Variants in PARD3B observed in about 807,000 individuals in gnomAD.
PARD3B encodes the protein par-3 family cell polarity regulator beta.
Under a neutral mutation model 130.2 loss-of-function variants are expected in PARD3B, and 103 were observed. That is an observed-to-expected ratio of 0.79 (90% CI 0.67 to 0.93). The LOEUF (loss-of-function observed/expected upper bound fraction) is 0.93. Among genes scored for constraint, PARD3B ranks in the 40% least tolerant of loss-of-function variants. PARD3B has a pLI of 0.00. For missense variants in PARD3B, 1,609 were observed against 1,499.2 expected (o/e 1.07, Z -1.21); for synonymous variants, 583 against 553.2 (o/e 1.05, Z -0.76).
chr2:205,380,195 T>G (rs1166915753), intron 18 of PARD3B, among the ~76,000 whole-genome samples: 1 of 90,278 alleles, frequency 1.1e-5, no homozygotes, highest in African/African-American at 5.8e-5. Flanking sequence ...GAATATATAT[T>G]ATATAATATG....
chr2:204,693,761 A>C (rs561375311), intron 2 of PARD3B, among the ~76,000 whole-genome samples: 1 of 152,048 alleles, frequency 6.6e-6, no homozygotes, highest in African/African-American at 2.4e-5. Context: ...ATTATGTATC[A>C]TGGACTTTCT....
At chr2:205,404,153 T>G (rs1027873526) in intron 19 of PARD3B, among the ~76,000 whole-genome samples, 1 of 152,224 alleles carries the variant, frequency 6.6e-6, no homozygotes, top group East Asian at 1.9e-4. Context: ...TGGCTCCATA[T>G]CCACGTCTTC....
chr2:204,600,345 T>G (rs2033458730), intron 1 of PARD3B, among the ~76,000 whole-genome samples: 1 of 151,896 alleles, frequency 6.6e-6, no homozygotes, highest in Non-Finnish European at 1.5e-5. Flanking sequence ...TGAGTTGATT[T>G]TTGTATAGAG....
intron 3 of PARD3B, among the ~76,000 whole-genome samples, chr2:205,037,604 T>A (rs558334877): frequency 4.7e-5 from 7 of 148,304 alleles, no homozygotes; most frequent in African/African-American, 2.4e-5. Context: ...TATATATATT[T>A]TATATATATT....
rs376368532 is a variant in PARD3B at position 204,860,035 on chromosome 2, A to G, written c.223-105117A>G. Among the ~76,000 whole-genome samples, 34 of 152,316 alleles carry G rather than the reference A, an allele frequency of 2.2e-4. No homozygotes were observed. In the South Asian group the frequency reaches 6.8e-3, roughly 31 times the overall value. On this transcript the variant is annotated intron_variant, in intron 2 of 22. Coordinates refer to ENST00000406610, the MANE Select transcript of PARD3B (RefSeq NM_001302769.2). ...TAATTTCTGCCAGCAGTTGCTTTTA[A>G]TATAATCAGGATTAACTGTAGAAAT... is the stretch of plus-strand genomic sequence containing the variant.
At chr2:204,547,066 C>T (rs921457092) in intron 1 of PARD3B, among the ~76,000 whole-genome samples, 1 of 152,096 alleles carries the variant, frequency 6.6e-6, no homozygotes, top group Non-Finnish European at 1.5e-5. Context: ...GTTTTAGCGG[C>T]CAATGGTTCT....
In PARD3B at chr2:205,397,229, T is replaced by C. The variant is rs2046064689; in HGVS notation, c.2631-3784T>C. On this transcript the variant is annotated intron_variant, in intron 18 of 22. Coordinates refer to ENST00000406610, the MANE Select transcript of PARD3B (RefSeq NM_001302769.2). The surrounding 1 kb of genome is among the most constrained non-coding windows in gnomAD (Gnocchi z 4.8). The stretch of plus-strand genomic sequence containing the variant: ...CCTACCCAAACTTTACAAAATAAGG[T>C]AATTTGTAATCATTTTCTCTGGCTA... 6.6e-6 allele frequency among the ~76,000 whole-genome samples: 1 copy of C among 152,240 alleles called. No homozygotes were observed. The highest frequency in any genetic ancestry group is 1.5e-5 in the Non-Finnish European group (1 of 68,034).
rs1172460944 is a variant in PARD3B, at chr2:205,366,665, A to C, written c.2631-34348A>C. On this transcript the variant is annotated intron_variant, in intron 18 of 22. Coordinates refer to ENST00000406610, the MANE Select transcript of PARD3B (RefSeq NM_001302769.2). The surrounding 1 kb of genome is among the most constrained non-coding windows in gnomAD (Gnocchi z 5.0). ...TCTGTCTCCTCTCAAGCCTAAATTC[A>C]CACTTTTTTTTTTCTTTAACTGTGA... Among the ~76,000 whole-genome samples, 1 of 151,450 alleles carries C rather than the reference A, an allele frequency of 6.6e-6. No individual in the cohort carries two copies. Among genetic ancestry groups the C allele is most frequent in the African/African-American group, 2.4e-5 (1 of 40,904 alleles).
intron 16 of PARD3B, among the ~76,000 whole-genome samples, chr2:205,286,659 A>G (rs112822178): frequency 0.017 from 2,536 of 152,322 alleles, 37 homozygotes; most frequent in South Asian, 0.034. Flanking sequence ...CTCCAGAAAT[A>G]GATACCCTCT....
At chr2:205,565,323 A>G (rs192544463) in intron 22 of PARD3B, among the ~76,000 whole-genome samples, 14 of 152,334 alleles carry the variant, frequency 9.2e-5, no homozygotes, top group Admixed American at 7.2e-4. Context: ...GTCATATAAA[A>G]TCAGGATGGA....
intron 2 of PARD3B, among the ~76,000 whole-genome samples, chr2:204,961,215 G>C (rs1559302319): frequency 6.6e-6 from 1 of 152,200 alleles, no homozygotes; most frequent in Admixed American, 6.5e-5. Flanking sequence ...AGCAAGGTCA[G>C]TCTGGCTGCT....
At chr2:204,917,659 A>C (rs768064928) in intron 2 of PARD3B, among the ~76,000 whole-genome samples, 6 of 152,190 alleles carry the variant, frequency 3.9e-5, no homozygotes, top group Non-Finnish European at 7.3e-5. Context: ...ATAGAATACT[A>C]ATGTTTTATA....
At chr2:204,800,311 A>G (rs534335186) in intron 2 of PARD3B, among the ~76,000 whole-genome samples, 1 of 152,316 alleles carries the variant, frequency 6.6e-6, no homozygotes, top group African/African-American at 2.4e-5. Context: ...GCTTAAAGAC[A>G]GGATATTTAA....
intron 12 of PARD3B, among the ~76,000 whole-genome samples, chr2:205,173,342 G>GT (rs1319417757): frequency 2.6e-5 from 4 of 152,174 alleles, no homozygotes; most frequent in Non-Finnish European, 4.4e-5. Flanking sequence ...CAGCTCTGGA[G>GT]TTTCGAATTG....
intron 19 of PARD3B, among the ~76,000 whole-genome samples, chr2:205,408,564 G>A (rs79592426): frequency 0.022 from 3,360 of 152,128 alleles, 65 homozygotes; most frequent in Non-Finnish European, 0.033. Flanking sequence ...CACATATAAC[G>A]CTCCTAAATA....
chr2:204,656,078 T>A (rs113039557), intron 1 of PARD3B, among the ~76,000 whole-genome samples: 2,835 of 152,102 alleles, frequency 0.019, 41 homozygotes, highest in Middle Eastern at 0.071. Context: ...CTTTTTGAGA[T>A]CTAGGCTCAG....
At chr2:204,639,673 C>T (rs1174651697) in intron 1 of PARD3B, among the ~76,000 whole-genome samples, 1 of 151,948 alleles carries the variant, frequency 6.6e-6, no homozygotes, top group Non-Finnish European at 1.5e-5. Flanking sequence ...ATGTAAATAC[C>T]GTGTCACTTT....
intron 16 of PARD3B, among the ~76,000 whole-genome samples, chr2:205,299,606 A>G (rs1288376444): frequency 3.5e-5 from 3 of 86,332 alleles, no homozygotes; most frequent in South Asian, 8.2e-4. Context: ...GCTAATATTT[A>G]TATAACCTAA....
At chr2:204,694,328 T>C (rs1399749011) in intron 2 of PARD3B, among the ~76,000 whole-genome samples, 1 of 152,070 alleles carries the variant, frequency 6.6e-6, no homozygotes, top group Non-Finnish European at 1.5e-5. Context: ...TGTTATTGGC[T>C]AGTAACATTT....
Sources: gnomAD v4.1 joint callset for allele counts (sites outside exome capture counted in the v4.1 genomes callset) on GRCh38, gnomAD v4.1.1 for gene constraint, Gnocchi (gnomAD v3.1) non-coding constraint, MANE v1.5 for transcripts, NCBI Gene and HGNC (gene_info 2026-07-23, HGNC 2026-07-21) for gene names.